The following NPHP4 variants were observed in gnomAD, a reference collection of about 807,000 sequenced individuals.
NPHP4 encodes nephrocystin-4.
Under a neutral mutation model 155.8 loss-of-function variants are expected in NPHP4, and 151 were observed. That is an observed-to-expected ratio of 0.97 (90% CI 0.85 to 1.11). NPHP4 has a LOEUF of 1.11. Among genes scored for constraint, NPHP4 ranks in the 50% least tolerant of loss-of-function variants. The pLI is 0.00. For missense variants in NPHP4, 1,956 were observed against 1,925.7 expected (o/e 1.02, Z -0.29); for synonymous variants, 845 against 816.8 (o/e 1.03, Z -0.59).
intron 6 of NPHP4, 136 bp from the exon 7 acceptor site, chr1:5,952,972 A>G (rs893722854): frequency 5.6e-5 from 40 of 713,140 alleles, no homozygotes; most frequent in Middle Eastern, 7.9e-4. Flanking sequence ...CAGACAGAGC[A>G]CAAGGCCCAA....
At chr1:5,914,532 G>A (rs976919977) in intron 11 of NPHP4, among the ~76,000 whole-genome samples, 2 of 152,166 alleles carry the variant, frequency 1.3e-5, no homozygotes, top group Admixed American at 6.5e-5. Flanking sequence ...GCTATCTGTC[G>A]CCTCAAGCCA....
intron 16 of NPHP4, among the ~76,000 whole-genome samples, chr1:5,903,041 CT>C (rs1644751639): frequency 6.6e-6 from 1 of 152,152 alleles, no homozygotes; most frequent in African/African-American, 2.4e-5. Context: ...ATCAGTTTTT[CT>C]AAGTTTCAAA....
At chr1:5,921,850 A>G (rs569666362) in intron 11 of NPHP4, among the ~76,000 whole-genome samples, 58 of 152,322 alleles carry the variant, frequency 3.8e-4, no homozygotes, top group African/African-American at 1.3e-3. Flanking sequence ...TGAATTTTAT[A>G]TTTTCCATGT....
intron 22 of NPHP4, among the ~76,000 whole-genome samples, chr1:5,874,220 C>T (rs1256907266): frequency 9.7e-6 from 1 of 102,776 alleles, no homozygotes; most frequent in Non-Finnish European, 2.3e-5. Context: ...CCCTTCCAAC[C>T]AACTTAGTAA....
chr1:5,907,187 G>A lies in NPHP4; in HGVS notation c.1539C>T (p.Ser513=). ...GCCTGGCCAAGCAGTGCTGAGTCGGGGACCGCGGGGAGGCCGCCAGCTGGG... is the reference window on the plus strand; with the variant it reads ...GCCTGGCCAAGCAGTGCTGAGTCGGAGACCGCGGGGAGGCCGCCAGCTGGG... ...SISQLAASPR[S]PTQHCLARPT... The change falls in exon 13 of 30, where the codon TCC becomes TCT. Residue 513 remains serine (S), a synonymous_variant. Coordinates refer to ENST00000378156, the MANE Select transcript of NPHP4 (RefSeq NM_015102.5). The A allele has an allele frequency of 1.3e-6, 2 of 1,588,958 alleles. No homozygotes were observed. The highest frequency in any genetic ancestry group is 1.7e-6 in the Non-Finnish European group (2 of 1,167,188).
chr1:5,941,819 T>C (rs1646831665), intron 9 of NPHP4, among the ~76,000 whole-genome samples: 1 of 152,204 alleles, frequency 6.6e-6, no homozygotes, highest in Non-Finnish European at 1.5e-5. Context: ...GTGCGCTTGA[T>C]GGACAAGTCA....
intron 5 of NPHP4, among the ~76,000 whole-genome samples, chr1:5,965,933 C>T (rs1298500391): frequency 1.3e-5 from 2 of 152,188 alleles, no homozygotes; most frequent in African/African-American, 4.8e-5. Flanking sequence ...CGGCATGGGA[C>T]TCAGCTGCGC....
intron 29 of NPHP4, chr1:5,863,656 A>G (rs1398467692): frequency 1.6e-6 from 1 of 622,888 alleles, no homozygotes. Flanking sequence ...TAACATTACC[A>G]TGAAAAGCCC....
rs768099247 is a variant in NPHP4, at chr1:5,978,327, C to T, written c.222G>A (p.Thr74=). Residue 74 remains threonine (T), a synonymous_variant, in exon 3 of 30, where the codon ACG becomes ACA. Transcript: ENST00000378156. ...TCGTCGGCTTCACTGTGGTTTTCCA[C>T]GTCCTCCCAAAGAAGTGCCGGTAGG... is the stretch of plus-strand genomic sequence containing the variant. ...DVTYRHFFGR[T]WKTTVKPTKR... 3 of 1,609,380 alleles carry T rather than the reference C, an allele frequency of 1.9e-6. No individual in the cohort carries two copies. Among genetic ancestry groups the T allele is most frequent in the African/African-American group, 1.3e-5 (1 of 74,766 alleles).
Position 5,866,355 on chromosome 1 carries a change from C to T in NPHP4, c.3644+18G>A, listed in dbSNP as rs1483094721. The T allele has an allele frequency of 1.3e-6, 2 of 1,561,904 alleles. No individual in the cohort carries two copies. The highest frequency in any genetic ancestry group is 1.7e-5 in the Admixed American group (1 of 57,762). ...TCCTCCGCCACCGCCTCCAGGTCCC[C>T]AAAGCCTGTGCACTTACGAGTAAAT... On this transcript the variant is annotated intron_variant, in intron 26 of 29. Coordinates refer to ENST00000378156, the MANE Select transcript of NPHP4 (RefSeq NM_015102.5).
At chr1:5,979,707 G>A (rs769475127) in intron 2 of NPHP4, among the ~76,000 whole-genome samples, 1 of 151,980 alleles carries the variant, frequency 6.6e-6, no homozygotes, top group Non-Finnish European at 1.5e-5. Context: ...ACTTTTTGTA[G>A]AGAGTGGGTT....
At chr1:5,936,153 T>A (rs944575488) in intron 9 of NPHP4, among the ~76,000 whole-genome samples, 11 of 152,250 alleles carry the variant, frequency 7.2e-5, no homozygotes, top group African/African-American at 2.7e-4. Flanking sequence ...GTGCAAAGTA[T>A]CTGTCAGTTA....
At chr1:5,958,353 G>C (rs554926890) in intron 6 of NPHP4, among the ~76,000 whole-genome samples, 1 of 152,204 alleles carries the variant, frequency 6.6e-6, no homozygotes, top group Non-Finnish European at 1.5e-5. Flanking sequence ...AGGAGTTTGA[G>C]ACCAGCCTGG....
intron 1 of NPHP4, among the ~76,000 whole-genome samples, chr1:5,989,840 G>T (rs191974498): frequency 6.6e-6 from 1 of 152,174 alleles, no homozygotes; most frequent in Admixed American, 6.5e-5. Flanking sequence ...ACGTGCATAC[G>T]CCAGTCGACC....
chr1:5,924,199 AG>A (rs1436079941), intron 11 of NPHP4, among the ~76,000 whole-genome samples: 6 of 152,328 alleles, frequency 3.9e-5, no homozygotes, highest in Admixed American at 2.6e-4. Context: ...ACACAGCAAA[AG>A]GAGGTTATGA....
chr1:5,905,269 TA>T lies in NPHP4; in HGVS notation c.1955+22del. The T allele has an allele frequency of 6.3e-7, 1 of 1,584,680 alleles. No individual in the cohort carries two copies. Among genetic ancestry groups the T allele is most frequent in the Non-Finnish European group, 8.7e-7 (1 of 1,153,234 alleles). On this transcript the variant is annotated intron_variant, in intron 15 of 29. Coordinates refer to ENST00000378156, the MANE Select transcript of NPHP4 (RefSeq NM_015102.5). This position sits in a 1 kb window ranked among gnomAD's most constrained non-coding sequence, Gnocchi z 4.0. ...ACAGGAAATGTGAAAGCCAGATGAGTAACAGAATATTCAAGGATTTACCTGC... is the reference window on the plus strand; with the variant it reads ...ACAGGAAATGTGAAAGCCAGATGAGTACAGAATATTCAAGGATTTACCTGC...
At chr1:5,980,476 C>T (rs149660299) in intron 2 of NPHP4, among the ~76,000 whole-genome samples, 1 of 152,308 alleles carries the variant, frequency 6.6e-6, no homozygotes, top group Non-Finnish European at 1.5e-5. Context: ...TCCAATCATG[C>T]AGGGAGGCCA....
At position 5,905,427 on chromosome 1, in the gene NPHP4, G is replaced by A; in HGVS notation, c.1820C>T (p.Pro607Leu). 1 of 1,612,364 alleles carries A rather than the reference G, an allele frequency of 6.2e-7. No homozygotes were observed. The highest frequency in any genetic ancestry group is 8.5e-7 in the Non-Finnish European group (1 of 1,178,506). The change falls in exon 15 of 30, where the codon CCC (proline) becomes CTC (leucine). Residue 607 changes from proline to leucine, a missense_variant. Transcript: ENST00000378156. The surrounding 1 kb of genome is among the most constrained non-coding windows in gnomAD (Gnocchi z 4.0). ...CTGTTTATTGGCATCCAGAATCTCG[G>A]GAAAGCCGGAGGACTGCAGGAGCAC... ...SMVLLQSSGF[P>L]EILDANKQPA...
chr1:5,867,454 G>T lies in NPHP4; in HGVS notation c.3472+286C>A, dbSNP rs1641363064. 1.8e-6 allele frequency: 1 copy of T among 558,224 alleles called. No individual in the cohort carries two copies. The highest frequency in any genetic ancestry group is 3.2e-6 in the Non-Finnish European group (1 of 312,244). The allele number at this position is 558,224 out of a possible 1,614,324, so 34.6% of individuals were successfully genotyped here. A position where few individuals can be genotyped will look rare whatever the true frequency, so the allele number is the denominator to read the frequency against. On this transcript the variant is annotated intron_variant, in intron 24 of 29. Coordinates refer to ENST00000378156, the MANE Select transcript of NPHP4 (RefSeq NM_015102.5). This position sits in a 1 kb window ranked among gnomAD's most constrained non-coding sequence, Gnocchi z 4.1. ...ACCAGAAACACGCGGGCCGTCAGGT[G>T]AGGAGGTAGGTGTTCCTCCAGGCAC...
Sources: allele counts gnomAD v4.1 joint callset (sites outside exome capture counted in the v4.1 genomes callset), GRCh38; gene constraint gnomAD v4.1.1; non-coding constraint Gnocchi (gnomAD v3.1); transcripts MANE v1.5; gene names NCBI Gene and HGNC (gene_info 2026-07-23, HGNC 2026-07-21).